SPP2: variants seen among roughly 807,000 people sequenced by gnomAD.
SPP2 encodes the protein secreted phosphoprotein 24.
SPP2 carries 34 observed loss-of-function variants against 28.8 expected under a neutral mutation model. That is an observed-to-expected ratio of 1.18 (90% CI 0.90 to 1.57). The LOEUF is 1.57. SPP2 is among the 40% of genes most tolerant of loss of function. The probability of loss-of-function intolerance (pLI) is 0.00; values close to 1 mark genes in which losing one functional copy is unlikely to be tolerated. For synonymous variants in SPP2, 96 were observed against 89.4 expected, an observed-to-expected ratio of 1.07 and a Z score of -0.42; for missense variants, 269 against 263.9, an observed-to-expected ratio of 1.02 and a Z score of -0.13.
At chr2:234,059,118 C>T (rs995707348) in intron 3 of SPP2, among the ~76,000 whole-genome samples, 160 bp downstream of exon 3, 11 of 152,192 alleles carry the variant, frequency 7.2e-5, no homozygotes, top group African/African-American at 1.9e-4. Flanking sequence ...AGTGTTACTC[C>T]GTGGCTGAAC....
chr2:234,056,561 C>T (rs1373863809), intron 2 of SPP2, among the ~76,000 whole-genome samples: 2 of 152,054 alleles, frequency 1.3e-5, no homozygotes, highest in African/African-American at 4.8e-5. Context: ...TGATCTGTAC[C>T]CCCAAAAAAC....
At chr2:234,058,805 G>A in intron 2 of SPP2, 31 bp from the exon 3 acceptor site, 1 of 1,603,374 alleles carries the variant, frequency 6.2e-7, no homozygotes. Context: ...GAAATGCATT[G>A]ATCACACTCT....
chr2:234,057,946 A>T (rs903227264), intron 2 of SPP2, among the ~76,000 whole-genome samples: 14 of 152,216 alleles, frequency 9.2e-5, no homozygotes, highest in Non-Finnish European at 1.8e-4. Flanking sequence ...TATGTTGTAT[A>T]AAATCACCAC....
At chr2:234,055,322 A>G (rs1183157564) in intron 2 of SPP2, among the ~76,000 whole-genome samples, 2 of 152,246 alleles carry the variant, frequency 1.3e-5, no homozygotes, top group African/African-American at 2.4e-5. Context: ...TTCCTTTCTG[A>G]TGGGAAGATT....
chr2:234,076,215 T>G (rs979255857), intron 7 of SPP2, among the ~76,000 whole-genome samples: 67 of 152,144 alleles, frequency 4.4e-4, no homozygotes, highest in African/African-American at 1.5e-3. Flanking sequence ...TCCCCAGCCT[T>G]GAGTGCTGCT....
chr2:234,074,476 AG>A (rs1690858023), intron 7 of SPP2, among the ~76,000 whole-genome samples: 1 of 152,070 alleles, frequency 6.6e-6, no homozygotes, highest in African/African-American at 2.4e-5. Flanking sequence ...TACTGAAGAG[AG>A]CCAGATGCCC....
intron 3 of SPP2, among the ~76,000 whole-genome samples, chr2:234,060,045 G>C (rs1434716704): frequency 2.0e-5 from 3 of 152,226 alleles, no homozygotes; most frequent in African/African-American, 7.2e-5. Flanking sequence ...CAAAGAAGAA[G>C]AGAGTGAAGT....
At chr2:234,066,910 G>C (rs1489017980) in intron 5 of SPP2, among the ~76,000 whole-genome samples, 1 of 152,190 alleles carries the variant, frequency 6.6e-6, no homozygotes, top group Non-Finnish European at 1.5e-5. Context: ...GGGAGGATCA[G>C]GAGTAAACAG....
intron 6 of SPP2, among the ~76,000 whole-genome samples, chr2:234,067,623 A>G (rs1410770438): frequency 6.6e-6 from 1 of 151,836 alleles, no homozygotes; most frequent in Non-Finnish European, 1.5e-5. Context: ...TAAAAATACA[A>G]CAAATTAGCC....
Position 234,061,668 on chromosome 2 carries a change from T to C in SPP2, c.444+1189T>C, listed in dbSNP as rs562759092. Among the ~76,000 whole-genome samples, 24 of 152,354 alleles carry C rather than the reference T, an allele frequency of 1.6e-4. No homozygotes were observed. The South Asian group carries it at 4.8e-3, about 30-fold the overall frequency. ...ATAATTAATATACTCCTGCCTTAAC[T>C]ATTTCTTCTGGAGGTACATTTTAGA... On this transcript the variant is annotated intron_variant, in intron 4 of 7. Transcript: ENST00000168148.
chr2:234,053,611 G>A lies in SPP2; in HGVS notation c.210+2516G>A, dbSNP rs1206845711. Among the ~76,000 whole-genome samples, 4 of 151,618 alleles carry A rather than the reference G, an allele frequency of 2.6e-5. No individual in the cohort carries two copies. The East Asian group carries it at 7.8e-4, about 29-fold the overall frequency. On this transcript the variant is annotated intron_variant, in intron 2 of 7. Coordinates refer to ENST00000168148, the MANE Select transcript of SPP2 (RefSeq NM_006944.3). ...TGTGCGGTCTCGGTGAAGAACCACT[G>A]GGTATTACCAACAGACCTAGATCAA...
intron 3 of SPP2, 109 bp from the exon 4 acceptor site, chr2:234,060,260 T>C (rs1693691366): frequency 2.7e-6 from 2 of 751,996 alleles, no homozygotes; most frequent in Non-Finnish European, 4.5e-6. Flanking sequence ...TGTGAAGTTT[T>C]TCTTTGTCAT....
At position 234,050,766 on chromosome 2, in the gene SPP2, C is replaced by G; in HGVS notation, c.-21C>G. The G allele has an allele frequency of 6.3e-7, 1 of 1,586,462 alleles. No homozygotes were observed. Among genetic ancestry groups the G allele is most frequent in the Non-Finnish European group, 8.7e-7 (1 of 1,154,820 alleles). On this transcript the variant is annotated 5_prime_UTR_variant, in exon 1 of 8. Transcript: ENST00000168148. The stretch of plus-strand genomic sequence containing the variant: ...ATCCCCAAACACATAGAGAGACACT[C>G]TCTGTCTCTCGATTACAATCATGAT...
At chr2:234,055,851 ACTT>A (rs1693595298) in intron 2 of SPP2, among the ~76,000 whole-genome samples, 1 of 131,288 alleles carries the variant, frequency 7.6e-6, no homozygotes, top group African/African-American at 3.0e-5. Context: ...TCTCCAGTTG[ACTT>A]CTTTTTTTTT....
intron 5 of SPP2, 129 bp from the exon 6 acceptor site, chr2:234,067,095 A>G (rs11563028): frequency 0.035 from 31,647 of 913,828 alleles, 856 homozygotes; most frequent in African/African-American, 0.12. Context: ...GCTGACGGCA[A>G]TAAAACTCAA....
chr2:234,066,684 T>C, intron 5 of SPP2, 97 bp downstream of exon 5: 1 of 917,444 alleles, frequency 1.1e-6, no homozygotes, highest in Non-Finnish European at 1.7e-6. Context: ...AATACATATG[T>C]ATGTAATCTT....
chr2:234,054,411 C>T (rs899535721), intron 2 of SPP2, among the ~76,000 whole-genome samples: 22 of 152,268 alleles, frequency 1.4e-4, no homozygotes, highest in African/African-American at 4.3e-4. Context: ...CAAAGTACCA[C>T]GAACACATAA....
intron 6 of SPP2, among the ~76,000 whole-genome samples, chr2:234,069,004 C>T (rs1254282327): frequency 2.0e-5 from 3 of 152,124 alleles, no homozygotes; most frequent in Non-Finnish European, 4.4e-5. Context: ...GCTGTGATCT[C>T]ATCTGAAGCT....
At chr2:234,054,755 T>C (rs1911593) in intron 2 of SPP2, among the ~76,000 whole-genome samples, 51,820 of 151,944 alleles carry the variant, frequency 0.34, 9,126 homozygotes, top group South Asian at 0.5. Flanking sequence ...ATTGCAATCT[T>C]TCCAGCTGCT....
Sources: allele counts gnomAD v4.1 joint callset (sites outside exome capture counted in the v4.1 genomes callset), GRCh38; gene constraint gnomAD v4.1.1; transcripts MANE v1.5; gene names NCBI Gene and HGNC (gene_info 2026-07-23, HGNC 2026-07-21).